RNF2: variants seen among roughly 807,000 people sequenced by gnomAD.
The protein encoded by RNF2 is ring finger protein 2.
RNF2 carries 6 observed loss-of-function variants against 37.2 expected under a neutral mutation model. The ratio of observed to expected loss-of-function variants is 0.16; its 90% CI spans 0.09 to 0.32. The LOEUF is 0.32. RNF2 is among the 10% of genes least tolerant of loss of function. The pLI is 1.00. For missense variants in RNF2, 251 were observed against 404.0 expected (o/e 0.62, Z 3.25); for synonymous variants, 133 against 132.7 (o/e 1.00, Z -0.02).
chr1:185,093,423 G>T, intron 4 of RNF2, 147 bp downstream of exon 4: 2 of 635,990 alleles, frequency 3.1e-6, no homozygotes, highest in Non-Finnish European at 5.5e-6. Flanking sequence ...CATGCCTCCA[G>T]GCATAATAGG....
intron 1 of RNF2, among the ~76,000 whole-genome samples, chr1:185,065,133 T>G (rs1198538993): frequency 6.6e-6 from 1 of 151,918 alleles, no homozygotes; most frequent in Non-Finnish European, 1.5e-5. Context: ...TCAGCCCTCT[T>G]TGTCTAGCTA....
chr1:185,081,276 T>C (rs948014625), intron 1 of RNF2, among the ~76,000 whole-genome samples: 3 of 152,168 alleles, frequency 2.0e-5, no homozygotes, highest in Admixed American at 6.5e-5. Flanking sequence ...TGCATCCTGC[T>C]AGTTGTGGAA....
At chr1:185,049,753 C>T (rs577207783) in intron 1 of RNF2, among the ~76,000 whole-genome samples, 1 of 151,900 alleles carries the variant, frequency 6.6e-6, no homozygotes, top group East Asian at 1.9e-4. Flanking sequence ...GGACCCGGTG[C>T]TGGACTTTTG....
At chr1:185,100,121 G>C (rs2102211045) in intron 6 of RNF2, 79 bp from the exon 7 acceptor site, 1 of 1,251,890 alleles carries the variant, frequency 8.0e-7, no homozygotes. Flanking sequence ...AAGATTCTGT[G>C]GACTTCCATT....
chr1:185,084,008 C>T (rs541467904), intron 1 of RNF2, among the ~76,000 whole-genome samples: 3 of 149,832 alleles, frequency 2.0e-5, no homozygotes, highest in African/African-American at 4.9e-5. Context: ...GTGGCACAGT[C>T]GTACCTCACT....
intron 1 of RNF2, among the ~76,000 whole-genome samples, chr1:185,057,135 C>T (rs1041334929): frequency 3.3e-5 from 5 of 151,928 alleles, no homozygotes; most frequent in African/African-American, 1.2e-4. Flanking sequence ...TAATGAAACC[C>T]TGTCTCTATA....
At chr1:185,073,951 C>A (rs188653483) in intron 1 of RNF2, among the ~76,000 whole-genome samples, 2 of 152,332 alleles carry the variant, frequency 1.3e-5, no homozygotes, top group African/African-American at 4.8e-5. Flanking sequence ...ACTGCCTCCA[C>A]TTCAGATGCC....
In RNF2 at chr1:185,054,532, C is replaced by G. The variant is rs539858748; in HGVS notation, c.-3+8883C>G. ...GCCAGACGCCGGCTCTTCTCCATTACGAGCGCTCTTCCTGAGAGCGGGTTC... is the reference window on the plus strand; with the variant it reads ...GCCAGACGCCGGCTCTTCTCCATTAGGAGCGCTCTTCCTGAGAGCGGGTTC... On this transcript the variant is annotated intron_variant, in intron 1 of 6. Coordinates refer to ENST00000367510, the MANE Select transcript of RNF2 (RefSeq NM_007212.4). Among the ~76,000 whole-genome samples the G allele has an allele frequency of 5.3e-5, 8 of 152,144 alleles. No individual in the cohort carries two copies. In the South Asian group the frequency reaches 1.5e-3, roughly 28 times the overall value.
chr1:185,070,153 T>G (rs1360703850), intron 1 of RNF2, among the ~76,000 whole-genome samples: 1 of 152,194 alleles, frequency 6.6e-6, no homozygotes, highest in Non-Finnish European at 1.5e-5. Flanking sequence ...GAAGATGATA[T>G]CACCTAGTTT....
chr1:185,091,812 C>G, intron 3 of RNF2, 73 bp downstream of exon 3: 2 of 1,240,576 alleles, frequency 1.6e-6, no homozygotes, highest in Non-Finnish European at 2.3e-6. Context: ...TTGAGAAATA[C>G]ATTTTCTTTT....
chr1:185,050,729 A>T (rs1387568986), intron 1 of RNF2, among the ~76,000 whole-genome samples: 3 of 152,168 alleles, frequency 2.0e-5, no homozygotes, highest in Non-Finnish European at 4.4e-5. Flanking sequence ...TAAAATAGTA[A>T]ATTTAAACTG....
intron 1 of RNF2, among the ~76,000 whole-genome samples, chr1:185,083,265 G>A (rs918715203): frequency 5.9e-5 from 9 of 152,128 alleles, no homozygotes; most frequent in African/African-American, 2.2e-4. Context: ...AGGATTGTAT[G>A]TTTGTTTTAG....
chr1:185,066,978 CAACTT>C (rs1226242433), intron 1 of RNF2, among the ~76,000 whole-genome samples: 4 of 152,088 alleles, frequency 2.6e-5, no homozygotes, highest in Non-Finnish European at 4.4e-5. Context: ...CCTTGTAAGA[CAACTT>C]AGTTATAGAG....
At chr1:185,073,968 C>T (rs936069695) in intron 1 of RNF2, among the ~76,000 whole-genome samples, 1 of 152,180 alleles carries the variant, frequency 6.6e-6, no homozygotes, top group African/African-American at 2.4e-5. Flanking sequence ...TGCCATTAAG[C>T]CCATGCCTCA....
chr1:185,100,210 GCT>G lies in RNF2; in HGVS notation c.923_924del (p.Ser308PhefsTer8). 6.3e-7 allele frequency: 1 copy of G among 1,598,362 alleles called. No homozygotes were observed. The highest frequency in any genetic ancestry group is 8.5e-7 in the Non-Finnish European group (1 of 1,174,562). On this transcript the variant is annotated frameshift_variant, in exon 7 of 7. Coordinates refer to ENST00000367510, the MANE Select transcript of RNF2 (RefSeq NM_007212.4). LOFTEE classifies it high-confidence loss of function. ...TCTTTTTTGTTTTAGGTATTAAATG[GCT>G]CTTTTTCTTTGGAATTGGTCAGTGA...
chr1:185,061,128 CT>C (rs34284435), intron 1 of RNF2, among the ~76,000 whole-genome samples: 70,378 of 122,380 alleles, frequency 0.58, 20,664 homozygotes, highest in African/African-American at 0.78. Context: ...TTCTCTCTCT[CT>C]TTTTTTTTTT....
At position 185,082,345 on chromosome 1, in the gene RNF2, CTTTTT is replaced by C. The variant is rs3036553; in HGVS notation, c.-2-5189_-2-5185del. Among the ~76,000 whole-genome samples, 248 of 71,982 alleles carry C rather than the reference CTTTTT, an allele frequency of 3.4e-3. 4 individuals carry two copies. Among genetic ancestry groups the C allele is most frequent in the East Asian group, 0.016 (29 of 1,794 alleles). The allele number at this position is 71,982 out of a possible 152,430, so 47.2% of individuals were successfully genotyped here. A position where few individuals can be genotyped will look rare whatever the true frequency, so the allele number is the denominator to read the frequency against. On this transcript the variant is annotated intron_variant, in intron 1 of 6. Coordinates refer to ENST00000367510, the MANE Select transcript of RNF2 (RefSeq NM_007212.4). ...CAAGGTTCTTGTCTCCTCTGCAGAA[CTTTTT>C]TTTTTTTTTTTTTTTTTGAAGACAG...
At chr1:185,089,904 A>G (rs71634129) in intron 2 of RNF2, among the ~76,000 whole-genome samples, 2 of 151,572 alleles carry the variant, frequency 1.3e-5, no homozygotes, top group Non-Finnish European at 2.9e-5. Flanking sequence ...GGTGGTGCAC[A>G]CCTGTAATCC....
At position 185,099,757 on chromosome 1, in the gene RNF2, T is replaced by C. The variant is rs374109131; in HGVS notation, c.738-34T>C. ...GTACATTTTTCTCATTGGCATATTC[T>C]AGAAATGAAATTTTTAATGATTTAT... is the stretch of plus-strand genomic sequence containing the variant. On this transcript the variant is annotated intron_variant, in intron 5 of 6. Coordinates refer to ENST00000367510, the MANE Select transcript of RNF2 (RefSeq NM_007212.4). The C allele has an allele frequency of 5.7e-6, 9 of 1,570,886 alleles. No individual in the cohort carries two copies. In the African/African-American group the frequency reaches 9.6e-5, roughly 17 times the overall value.
Sources: allele counts gnomAD v4.1 joint callset (sites outside exome capture counted in the v4.1 genomes callset), GRCh38; gene constraint gnomAD v4.1.1; transcripts MANE v1.5; gene names NCBI Gene and HGNC (gene_info 2026-07-23, HGNC 2026-07-21).